ATP9B: variants seen among roughly 807,000 people sequenced by gnomAD.
ATP9B encodes the protein ATPase phospholipid transporting 9B, also known as probable phospholipid-transporting ATPase IIB.
ATP9B carries 110 observed loss-of-function variants against 146.1 expected under a neutral mutation model. The ratio of observed to expected loss-of-function variants is 0.75; its 90% CI spans 0.65 to 0.88. The LOEUF is 0.88. Ranked by LOEUF, ATP9B falls within the 40% of genes least tolerant of loss-of-function variation. The probability of loss-of-function intolerance (pLI) is 0.00; values close to 1 mark genes in which losing one functional copy is unlikely to be tolerated. For synonymous variants in ATP9B, 604 were observed against 569.7 expected, an observed-to-expected ratio of 1.06 and a Z score of -0.86; for missense variants, 1,499 against 1,496.4, an observed-to-expected ratio of 1.00 and a Z score of -0.03.
chr18:79,256,599 AT>A (rs2096083694), intron 12 of ATP9B, among the ~76,000 whole-genome samples: 1 of 151,656 alleles, frequency 6.6e-6, no homozygotes, highest in African/African-American at 2.4e-5. Context: ...TTCCTTAGAA[AT>A]TTTACATATT....
At chr18:79,219,911 T>A (rs1209083021) in intron 11 of ATP9B, among the ~76,000 whole-genome samples, 2 of 152,218 alleles carry the variant, frequency 1.3e-5, no homozygotes, top group Non-Finnish European at 2.9e-5. Flanking sequence ...GACGAGAGCC[T>A]AACAATTTAG....
chr18:79,088,128 T>A (rs2073999418), intron 1 of ATP9B, among the ~76,000 whole-genome samples: 1 of 152,236 alleles, frequency 6.6e-6, no homozygotes, highest in South Asian at 2.1e-4. Context: ...GCTTGCCAGT[T>A]CAAAGGCTCC....
In ATP9B at chr18:79,071,399, C is replaced by CTTTTTTTTTTTTTTTTTTTTTTTTTTTT. The variant is rs56119715; in HGVS notation, c.119+1884_119+1885insTTTTTTTTTTTTTTTTTTTTTTTTTTTT. On this transcript the variant is annotated intron_variant, in intron 1 of 29. Transcript: ENST00000426216. Reference sequence around the variant, plus strand: ...ATTTCCCCTTTTTCTATTGTTCTTCCTTTTTTTTTTTTTTGAGACAGGGTC... The same window carrying CTTTTTTTTTTTTTTTTTTTTTTTTTTTT: ...ATTTCCCCTTTTTCTATTGTTCTTCCTTTTTTTTTTTTTTTTTTTTTTTTTTTTTTTTTTTTTTTTTTGAGACAGGGTC... 2.8e-3 allele frequency among the ~76,000 whole-genome samples: 194 copies of CTTTTTTTTTTTTTTTTTTTTTTTTTTTT among 69,260 alleles called. 45 individuals carry two copies. The highest frequency in any genetic ancestry group is 3.8e-3 in the Non-Finnish European group (136 of 36,122). 45.4% of individuals were successfully genotyped at this position (69,260 alleles called of 152,430 possible). A position where few individuals can be genotyped will look rare whatever the true frequency, so the allele number is the denominator to read the frequency against.
chr18:79,232,011 G>A (rs1484531589), intron 11 of ATP9B, among the ~76,000 whole-genome samples: 1 of 152,066 alleles, frequency 6.6e-6, no homozygotes, highest in Non-Finnish European at 1.5e-5. Context: ...GGACTTGGGG[G>A]AAAGGGTGGG....
At chr18:79,226,438 G>T (rs2095735086) in intron 11 of ATP9B, among the ~76,000 whole-genome samples, 1 of 152,226 alleles carries the variant, frequency 6.6e-6, no homozygotes, top group South Asian at 2.1e-4. Flanking sequence ...AAAATGTGCA[G>T]GTAGATGTCG....
chr18:79,117,318 A>G (rs1359184751), intron 4 of ATP9B: 1 of 152,156 alleles, frequency 6.6e-6, no homozygotes, highest in Admixed American at 6.6e-5. Context: ...CAGTATATAA[A>G]CTCCTAATGC....
intron 1 of ATP9B, chr18:79,095,503 T>A (rs2074710646): frequency 6.6e-6 from 1 of 152,250 alleles, no homozygotes; most frequent in Admixed American, 6.5e-5. Flanking sequence ...ATGTGTCAAT[T>A]AAGGATGGTA....
At chr18:79,365,478 A>G (rs1394867670) in intron 26 of ATP9B, among the ~76,000 whole-genome samples, 1 of 152,286 alleles carries the variant, frequency 6.6e-6, no homozygotes, top group Non-Finnish European at 1.5e-5. Context: ...TATTTACCCC[A>G]TGACCCAGTA....
At chr18:79,150,536 A>G (rs2094671901) in intron 6 of ATP9B, among the ~76,000 whole-genome samples, 1 of 152,204 alleles carries the variant, frequency 6.6e-6, no homozygotes, top group Non-Finnish European at 1.5e-5. Context: ...TTAGGAGAAC[A>G]CAGGGCTCCT....
Position 79,277,174 on chromosome 18 carries a change from G to A in ATP9B, c.1389G>A (p.Val463=). 4 of 1,614,222 alleles carry A rather than the reference G, an allele frequency of 2.5e-6. No individual in the cohort carries two copies. The highest frequency in any genetic ancestry group is 1.3e-5 in the African/African-American group (1 of 75,060). The change falls in exon 13 of 30, where the codon GTG becomes GTA. Residue 463 remains valine (V), a synonymous_variant. Coordinates refer to ENST00000426216, the MANE Select transcript of ATP9B (RefSeq NM_198531.5). Reference sequence around the variant, plus strand: ...TCCCAGAGGAACTTGGGCGCCTGGTGTATTTATTGACAGACAAAACAGGTA... The same window carrying A: ...TCCCAGAGGAACTTGGGCGCCTGGTATATTTATTGACAGACAAAACAGGTA... ...STIPEELGRL[V]YLLTDKTGTL...
intron 11 of ATP9B, among the ~76,000 whole-genome samples, chr18:79,248,316 A>G (rs2095989138): frequency 6.6e-6 from 1 of 152,268 alleles, no homozygotes; most frequent in Admixed American, 6.5e-5. Context: ...GATTTAGTGC[A>G]TGAGTTTCAT....
At chr18:79,114,030 G>A (rs1325901197) in intron 4 of ATP9B, among the ~76,000 whole-genome samples, 1 of 152,044 alleles carries the variant, frequency 6.6e-6, no homozygotes, top group Admixed American at 6.6e-5. Context: ...GAGTGTAGTG[G>A]CACAATCTCG....
At chr18:79,086,720 C>CT (rs1306656699) in intron 1 of ATP9B, among the ~76,000 whole-genome samples, 2 of 151,956 alleles carry the variant, frequency 1.3e-5, no homozygotes, top group East Asian at 3.9e-4. Context: ...AGTGTTATTT[C>CT]TTATTTCAAG....
chr18:79,254,054 A>C (rs973544032), intron 12 of ATP9B: 1 of 152,266 alleles, frequency 6.6e-6, no homozygotes, highest in African/African-American at 2.4e-5. Context: ...TGCCTATTTA[A>C]TGTAAAGACT....
At chr18:79,200,057 T>C (rs779741756) in intron 9 of ATP9B, among the ~76,000 whole-genome samples, 1 of 152,212 alleles carries the variant, frequency 6.6e-6, no homozygotes, top group Non-Finnish European at 1.5e-5. Context: ...CATAGTTGTT[T>C]GTTATTTAAT....
chr18:79,269,756 C>A (rs988216039), intron 12 of ATP9B, among the ~76,000 whole-genome samples: 1 of 152,200 alleles, frequency 6.6e-6, no homozygotes, highest in African/African-American at 2.4e-5. Context: ...CTTGGAGATA[C>A]CCTCTGTCTT....
intron 3 of ATP9B, among the ~76,000 whole-genome samples, chr18:79,111,500 T>A (rs939630469): frequency 4.0e-5 from 6 of 150,700 alleles, no homozygotes; most frequent in Non-Finnish European, 8.9e-5. Flanking sequence ...AAGACAGACC[T>A]TTTGTCAGGA....
chr18:79,278,792 G>C (rs2096343188), intron 13 of ATP9B, among the ~76,000 whole-genome samples: 1 of 152,106 alleles, frequency 6.6e-6, no homozygotes, highest in South Asian at 2.1e-4. Context: ...CTGAGAAAGA[G>C]TGTTAGGATT....
chr18:79,200,078 G>A (rs747398160), intron 9 of ATP9B, among the ~76,000 whole-genome samples: 1 of 152,206 alleles, frequency 6.6e-6, no homozygotes, highest in Non-Finnish European at 1.5e-5. Context: ...ATTATGTACT[G>A]TACATAATTG....
Sources: allele counts gnomAD v4.1 joint callset (sites outside exome capture counted in the v4.1 genomes callset), GRCh38; gene constraint gnomAD v4.1.1; transcripts MANE v1.5; gene names NCBI Gene and HGNC (gene_info 2026-07-23, HGNC 2026-07-21).